The following SMU1 variants were observed in gnomAD, a reference collection of about 807,000 sequenced individuals.
SMU1 encodes SMU1 DNA replication regulator and spliceosomal factor.
SMU1 carries 2 observed loss-of-function variants against 62.0 expected under a neutral mutation model. The ratio of observed to expected loss-of-function variants is 0.03; its 90% CI spans 0.01 to 0.10. The LOEUF is 0.10. Among genes scored for constraint, SMU1 ranks in the 10% least tolerant of loss-of-function variants. SMU1 has a pLI of 1.00. For missense variants in SMU1, 227 were observed against 622.1 expected, an observed-to-expected ratio of 0.36 and a Z score of 6.76; for synonymous variants, 188 against 212.4, an observed-to-expected ratio of 0.89 and a Z score of 1.00.
At chr9:33,068,705 A>G in intron 4 of SMU1, 119 bp downstream of exon 4, 2 of 1,152,108 alleles carry the variant, frequency 1.7e-6, no homozygotes, top group East Asian at 2.6e-5. Flanking sequence ...GAGTCTCACA[A>G]TGTTGCTTAG....
At position 33,048,095 on chromosome 9, in the gene SMU1, G is replaced by A; in HGVS notation, c.1443+11C>T. ...ATATTTCTTTAGATGAACTTAGTAAGTAATACTCACTGTCAAAGTTCTCTC... is the reference window on the plus strand; with the variant it reads ...ATATTTCTTTAGATGAACTTAGTAAATAATACTCACTGTCAAAGTTCTCTC... On this transcript the variant is annotated intron_variant, in intron 11 of 11. Transcript: ENST00000397149. 6.2e-7 allele frequency: 1 copy of A among 1,613,224 alleles called. No individual in the cohort carries two copies. The highest frequency in any genetic ancestry group is 8.5e-7 in the Non-Finnish European group (1 of 1,179,398).
At chr9:33,074,782 T>C (rs555692034) in intron 1 of SMU1, among the ~76,000 whole-genome samples, 2 of 151,382 alleles carry the variant, frequency 1.3e-5, no homozygotes, top group African/African-American at 4.8e-5. Flanking sequence ...CTTTTTTTTT[T>C]TTTTTTTTGA....
chr9:33,057,587 C>A lies in SMU1; in HGVS notation c.867+11G>T, dbSNP rs779897816. Reference sequence around the variant, plus strand: ...TGTCTACATATGAGAGGCTGTGGCACTAATCCATACCTTGATTTTTCCATC... The same window carrying A: ...TGTCTACATATGAGAGGCTGTGGCAATAATCCATACCTTGATTTTTCCATC... On this transcript the variant is annotated intron_variant, in intron 7 of 11. Coordinates refer to ENST00000397149, the MANE Select transcript of SMU1 (RefSeq NM_018225.3). 1.3e-5 allele frequency: 21 copies of A among 1,612,942 alleles called. No homozygotes were observed. Among genetic ancestry groups the A allele is most frequent in the Non-Finnish European group, 1.8e-5 (21 of 1,179,976 alleles).
chr9:33,047,979 G>T (rs756730414), intron 11 of SMU1, 127 bp downstream of exon 11: 10 of 784,814 alleles, frequency 1.3e-5, no homozygotes, highest in Non-Finnish European at 1.7e-5. Context: ...GGAGCTAAAT[G>T]TTTTAAAACA....
intron 6 of SMU1, among the ~76,000 whole-genome samples, chr9:33,059,786 A>C (rs1564022345): frequency 6.7e-6 from 1 of 150,222 alleles, no homozygotes; most frequent in Non-Finnish European, 1.5e-5. Context: ...TTTTTAGTTT[A>C]TTTTTAGTAG....
At chr9:33,060,315 A>T (rs752289353) in intron 6 of SMU1, 150 bp downstream of exon 6, 3 of 683,976 alleles carry the variant, frequency 4.4e-6, no homozygotes, top group Non-Finnish European at 7.0e-6. Flanking sequence ...CACTGTCCCT[A>T]GCTTTAAATG....
At chr9:33,073,077 G>A (rs1239796652) in intron 2 of SMU1, among the ~76,000 whole-genome samples, 1 of 152,090 alleles carries the variant, frequency 6.6e-6, no homozygotes, top group Non-Finnish European at 1.5e-5. Context: ...CTCAGGATAG[G>A]TAGGAGCTAG....
At chr9:33,071,466 T>G (rs1007111911) in intron 3 of SMU1, among the ~76,000 whole-genome samples, 1 of 152,116 alleles carries the variant, frequency 6.6e-6, no homozygotes, top group Non-Finnish European at 1.5e-5. Context: ...GGAAATGACA[T>G]CAGAATAAAA....
chr9:33,056,005 G>C (rs1322392722), intron 9 of SMU1, 108 bp downstream of exon 9: 2 of 1,123,276 alleles, frequency 1.8e-6, no homozygotes, highest in East Asian at 2.7e-5. Context: ...AAATAGCCAG[G>C]AAAGAGGTTT....
At chr9:33,076,461 G>A in intron 1 of SMU1, 122 bp downstream of exon 1, 1 of 1,198,940 alleles carries the variant, frequency 8.3e-7, no homozygotes, top group Non-Finnish European at 1.2e-6. Context: ...GCTTCTTTGG[G>A]GGCAAGGAAA....
chr9:33,063,378 T>G (rs1587710449), intron 4 of SMU1, among the ~76,000 whole-genome samples: 1 of 152,088 alleles, frequency 6.6e-6, no homozygotes, highest in South Asian at 2.1e-4. Context: ...AAAAGCCTAA[T>G]TCATAGAGGA....
intron 4 of SMU1, among the ~76,000 whole-genome samples, chr9:33,067,624 G>C (rs570390943): frequency 6.6e-6 from 1 of 150,862 alleles, no homozygotes; most frequent in Non-Finnish European, 1.5e-5. Flanking sequence ...TCAGCCTCCC[G>C]AGTAGCTGAG....
chr9:33,071,101 A>G (rs1402761621), intron 3 of SMU1, among the ~76,000 whole-genome samples: 1 of 152,148 alleles, frequency 6.6e-6, no homozygotes, highest in Non-Finnish European at 1.5e-5. Flanking sequence ...TGCCTATATC[A>G]AAATATCTCA....
rs143191312 is a variant in SMU1 at position 33,075,544 on chromosome 9, C to T, written c.26+1039G>A. Among the ~76,000 whole-genome samples the T allele has an allele frequency of 7.2e-3, 1,092 of 152,302 alleles. 18 individuals carry two copies. Among genetic ancestry groups the T allele is most frequent in the African/African-American group, 0.025 (1,027 of 41,548 alleles). On this transcript the variant is annotated intron_variant, in intron 1 of 11. Coordinates refer to ENST00000397149, the MANE Select transcript of SMU1 (RefSeq NM_018225.3). ...TCCATTTTACACTCCCAAAATAAGT[C>T]ATCTCTCTCCTCAAACAGCTCACAT... is the stretch of plus-strand genomic sequence containing the variant.
intron 10 of SMU1, among the ~76,000 whole-genome samples, chr9:33,050,838 A>AAAAAAT (rs1370813556): frequency 3.5e-5 from 4 of 114,666 alleles, no homozygotes; most frequent in South Asian, 2.5e-4. Context: ...AAAAAAAAAT[A>AAAAAAT]AGGCCGGGCG....
intron 7 of SMU1, 89 bp downstream of exon 7, chr9:33,057,509 T>TAATAGCTAATA: frequency 6.8e-7 from 1 of 1,474,062 alleles, no homozygotes; most frequent in Non-Finnish European, 9.4e-7. Flanking sequence ...CAGTAGCTAT[T>TAATAGCTAATA]ATTATGCTGA....
At chr9:33,067,276 A>C (rs1443544747) in intron 4 of SMU1, among the ~76,000 whole-genome samples, 1 of 148,274 alleles carries the variant, frequency 6.7e-6, no homozygotes, top group Non-Finnish European at 1.5e-5. Context: ...TTTTCGCTGA[A>C]GAAAGTTAGT....
At chr9:33,055,028 C>T (rs1327005975) in intron 9 of SMU1, among the ~76,000 whole-genome samples, 1 of 152,138 alleles carries the variant, frequency 6.6e-6, no homozygotes, top group African/African-American at 2.4e-5. Context: ...AGAGCAAATC[C>T]CATGACTGAA....
intron 1 of SMU1, among the ~76,000 whole-genome samples, chr9:33,074,962 G>A (rs1839529337): frequency 6.6e-6 from 1 of 152,050 alleles, no homozygotes; most frequent in Non-Finnish European, 1.5e-5. Context: ...TTGTAGAGAC[G>A]TGGTTTTGCC....
Sources: gnomAD v4.1 joint callset for allele counts (sites outside exome capture counted in the v4.1 genomes callset) on GRCh38, gnomAD v4.1.1 for gene constraint, MANE v1.5 for transcripts, NCBI Gene and HGNC (gene_info 2026-07-23, HGNC 2026-07-21) for gene names.